SMYD5: variants seen among roughly 807,000 people sequenced by gnomAD.
SMYD5 encodes SMYD family member 5.
A neutral mutation model predicts 57.4 loss-of-function variants in SMYD5; 35 were observed. The observed-to-expected ratio is 0.61, with a 90% CI of 0.47 to 0.81. SMYD5 has a LOEUF of 0.81. SMYD5 is among the 30% of genes least tolerant of loss of function. The pLI, the probability that SMYD5 is intolerant of heterozygous loss-of-function variation, is 0.00. For synonymous variants in SMYD5, 198 were observed against 189.7 expected, an observed-to-expected ratio of 1.04 and a Z score of -0.36; for missense variants, 471 against 527.9, an observed-to-expected ratio of 0.89 and a Z score of 1.06.
rs746630258 is a variant in SMYD5 at position 73,223,403 on chromosome 2, A to G, written c.777-23A>G. 31 of 1,562,716 alleles carry G rather than the reference A, an allele frequency of 2.0e-5. No homozygotes were observed. The East Asian group carries it at 5.6e-4, about 28-fold the overall frequency. On this transcript the variant is annotated intron_variant, in intron 8 of 12. Coordinates refer to ENST00000389501, the MANE Select transcript of SMYD5 (RefSeq NM_006062.3). The stretch of plus-strand genomic sequence containing the variant: ...GACCTGGGCTTCTGCCTCCCCAACC[A>G]TGGGCTGCCTGGGACCCCCCAGCTC...
At chr2:73,225,051 T>G in intron 11 of SMYD5, 91 bp downstream of exon 11, 1 of 923,692 alleles carries the variant, frequency 1.1e-6, no homozygotes, top group Admixed American at 2.2e-5. Flanking sequence ...TAGAGCACCT[T>G]GAAGTTCAGG....
In SMYD5 at chr2:73,218,897, G is replaced by A. The variant is rs747204284; in HGVS notation, c.133G>A (p.Gly45Arg). 9 of 1,614,162 alleles carry A rather than the reference G, an allele frequency of 5.6e-6. No individual in the cohort carries two copies. Among genetic ancestry groups the A allele is most frequent in the East Asian group, 2.2e-5 (1 of 44,880 alleles). ...GTTTGCCACACAGCTCATCCGGAAG[G>A]GGGAGACCATCTTCGTAGAACGGCC... Reference protein sequence around the residue: ...GLFATQLIRKGETIFVERPLV... With the variant: ...GLFATQLIRKRETIFVERPLV... The change falls in exon 2 of 13, where the codon GGG becomes AGG. Residue 45 changes from glycine to arginine, a missense_variant. By Grantham distance (125) the Gly-to-Arg change is moderately radical. Transcript: ENST00000389501.
In SMYD5 at chr2:73,223,036, T is replaced by G. The variant is rs757273582; in HGVS notation, c.706T>G (p.Trp236Gly). 7 of 1,613,646 alleles carry G rather than the reference T, an allele frequency of 4.3e-6. No homozygotes were observed. Among genetic ancestry groups the G allele is most frequent in the Non-Finnish European group, 8.5e-7 (1 of 1,179,652 alleles). ...ACTCATCTCTTTTTTCCCCCCACAG[T>G]GGTTCACTCCAGATGGATTCCGGTC... is the stretch of plus-strand genomic sequence containing the variant. ...EALYEEAVSQ[W>G]FTPDGFRSLF... Residue 236 changes from tryptophan (W) to glycine (G), a missense_variant and splice_region_variant, in exon 8 of 13, where the codon TGG (tryptophan) becomes GGG (glycine). Physicochemically the swap from Trp to Gly is radical, Grantham distance 184. Coordinates refer to ENST00000389501, the MANE Select transcript of SMYD5 (RefSeq NM_006062.3).
At chr2:73,217,804 C>A (rs917671295) in intron 1 of SMYD5, among the ~76,000 whole-genome samples, 2 of 152,178 alleles carry the variant, frequency 1.3e-5, no homozygotes, top group Admixed American at 6.5e-5. Flanking sequence ...GGGCTCCACA[C>A]GTCTTCTTTG....
intron 9 of SMYD5, among the ~76,000 whole-genome samples, 154 bp from the exon 10 acceptor site, chr2:73,223,793 C>T (rs561132316): frequency 3.9e-5 from 6 of 152,198 alleles, no homozygotes; most frequent in East Asian, 1.9e-4. Flanking sequence ...GCTTCTGTCT[C>T]GGAGAGGCAA....
At chr2:73,220,246 G>A in intron 3 of SMYD5, 56 bp downstream of exon 3, 2 of 1,593,568 alleles carry the variant, frequency 1.3e-6, no homozygotes, top group Non-Finnish European at 1.7e-6. Context: ...GGCCTTAGCT[G>A]GAGTCCTCAG....
At chr2:73,215,963 A>G (rs1686287430) in intron 1 of SMYD5, among the ~76,000 whole-genome samples, 1 of 152,218 alleles carries the variant, frequency 6.6e-6, no homozygotes, top group Admixed American at 6.5e-5. Context: ...TTCTGTCATT[A>G]CATTGTTTAA....
At chr2:73,223,263 C>G (rs1169155694) in intron 8 of SMYD5, 157 bp downstream of exon 8, 1 of 837,072 alleles carries the variant, frequency 1.2e-6, no homozygotes, top group Non-Finnish European at 2.0e-6. Flanking sequence ...GCATTGGAAT[C>G]TGTTTTGGGG....
rs749527360 is a variant in SMYD5 at position 73,225,665 on chromosome 2, G to C, written c.1070G>C (p.Arg357Pro). ...ATCAGCTACTTGGACTGCTGTCAGC[G>C]GGAGCGCAGCCGCCACAGCCGCCAC... is the stretch of plus-strand genomic sequence containing the variant. ...ICISYLDCCQ[R>P]ERSRHSRHKI... The change falls in exon 12 of 13, where the codon CGG becomes CCG. Residue 357 changes from arginine to proline, a missense_variant. Transcript: ENST00000389501. The C allele has an allele frequency of 1.2e-6, 2 of 1,614,204 alleles. No homozygotes were observed. Among genetic ancestry groups the C allele is most frequent in the African/African-American group, 1.3e-5 (1 of 75,070 alleles).
chr2:73,220,920 A>G, intron 4 of SMYD5, 138 bp downstream of exon 4: 1 of 1,023,584 alleles, frequency 9.8e-7, no homozygotes, highest in Non-Finnish European at 1.4e-6. Context: ...CAGAAGTCAC[A>G]TAACCCTATC....
intron 2 of SMYD5, among the ~76,000 whole-genome samples, chr2:73,219,740 T>C (rs1243054176): frequency 6.6e-6 from 1 of 152,050 alleles, no homozygotes; most frequent in Non-Finnish European, 1.5e-5. Flanking sequence ...CCCCAGAGTA[T>C]GGGAAAAGCC....
rs372293276 is a variant in SMYD5 at position 73,224,843 on chromosome 2, A to G, written c.941-23A>G. ...TTATTTTTTTTAGTCAATAATCCTCATTACCTGCCTCTTATGATCCAGGCA... is the reference window on the plus strand; with the variant it reads ...TTATTTTTTTTAGTCAATAATCCTCGTTACCTGCCTCTTATGATCCAGGCA... On this transcript the variant is annotated intron_variant, in intron 10 of 12. Transcript: ENST00000389501. The G allele has an allele frequency of 3.1e-5, 49 of 1,572,830 alleles. No individual in the cohort carries two copies. The African/African-American group carries it at 6.1e-4, about 20-fold the overall frequency.
chr2:73,219,821 G>C, intron 2 of SMYD5: 1 of 626,586 alleles, frequency 1.6e-6, no homozygotes, highest in Non-Finnish European at 3.0e-6. Context: ...AGACAATAAG[G>C]GCCAGGAGGT....
chr2:73,216,513 A>G (rs1686295539), intron 1 of SMYD5, among the ~76,000 whole-genome samples: 1 of 152,128 alleles, frequency 6.6e-6, no homozygotes, highest in Non-Finnish European at 1.5e-5. Context: ...CCTGACCAAC[A>G]TGGTGAAACC....
chr2:73,220,751 C>T lies in SMYD5; in HGVS notation c.436C>T (p.His146Tyr). ...CPGPSQDDPL[H>Y]PLNKLQEAWR... is the part of the protein sequence containing the mutation. ...AGGCCCCTCCCAGGATGACCCCTTG[C>T]ATCCTCTCAATAAGCTTCAGGAGGC... The change falls in exon 4 of 13, where the codon CAT (histidine) becomes TAT (tyrosine). Residue 146 changes from histidine to tyrosine, a missense_variant. By Grantham distance (83) the His-to-Tyr change is moderately conservative (BLOSUM62 2). Transcript: ENST00000389501. 1 of 1,614,082 alleles carries T rather than the reference C, an allele frequency of 6.2e-7. No individual in the cohort carries two copies. The highest frequency in any genetic ancestry group is 8.5e-7 in the Non-Finnish European group (1 of 1,180,000).
intron 9 of SMYD5, 116 bp from the exon 10 acceptor site, chr2:73,223,831 C>A: frequency 1.1e-6 from 1 of 939,098 alleles, no homozygotes; most frequent in African/African-American, 1.6e-5. Context: ...GGGACTGATG[C>A]CTTAGTGTGG....
intron 1 of SMYD5, among the ~76,000 whole-genome samples, chr2:73,217,783 C>T (rs1005476289): frequency 6.6e-6 from 1 of 152,160 alleles, no homozygotes; most frequent in Non-Finnish European, 1.5e-5. Flanking sequence ...TGTGGCAGCT[C>T]AGTGTTGACA....
At chr2:73,216,727 T>G (rs1686299765) in intron 1 of SMYD5, among the ~76,000 whole-genome samples, 1 of 152,100 alleles carries the variant, frequency 6.6e-6, no homozygotes, top group Non-Finnish European at 1.5e-5. Context: ...TACATAGTCT[T>G]AAGAGTTTTG....
rs950780160 is a variant in SMYD5 at position 73,214,335 on chromosome 2, G to A, written c.69G>A (p.Val23=). 3 of 1,613,442 alleles carry A rather than the reference G, an allele frequency of 1.9e-6. No individual in the cohort carries two copies. In the African/African-American group the frequency reaches 4.0e-5, roughly 22 times the overall value. Residue 23 remains valine, a synonymous_variant, in exon 1 of 13, where the codon GTG becomes GTA. Coordinates refer to ENST00000389501, the MANE Select transcript of SMYD5 (RefSeq NM_006062.3). ...TGGCGGGCCGCGCGCGGGTCTCCGT[G>A]GAAGTCCGTTTCGTGAGCAGCGCCA... ...VGVAGRARVS[V]EVRFVSSAKG...
Sources: allele counts gnomAD v4.1 joint callset (sites outside exome capture counted in the v4.1 genomes callset), GRCh38; gene constraint gnomAD v4.1.1; transcripts MANE v1.5; gene names NCBI Gene and HGNC (gene_info 2026-07-23, HGNC 2026-07-21).